PRRC2C: variants seen among roughly 807,000 people sequenced by gnomAD.
The protein encoded by PRRC2C is proline rich coiled-coil 2C.
PRRC2C carries 72 observed loss-of-function variants against 317.2 expected under a neutral mutation model. That is an observed-to-expected ratio of 0.23 (90% CI 0.19 to 0.28). The LOEUF is 0.28. Among genes scored for constraint, PRRC2C ranks in the 10% least tolerant of loss-of-function variants. The pLI is 1.00. For synonymous variants in PRRC2C, 1,296 were observed against 1,205.9 expected, an observed-to-expected ratio of 1.07 and a Z score of -1.55; for missense variants, 3,074 against 3,459.7, an observed-to-expected ratio of 0.89 and a Z score of 2.80.
intron 18 of PRRC2C, among the ~76,000 whole-genome samples, chr1:171,553,977 T>C (rs1680834205): frequency 6.6e-6 from 1 of 152,216 alleles, no homozygotes. Flanking sequence ...TAGATGTCTA[T>C]TAGGTCTGCT....
intron 4 of PRRC2C, 73 bp from the exon 5 acceptor site, chr1:171,515,661 T>C (rs1447933306): frequency 2.4e-6 from 3 of 1,240,414 alleles, no homozygotes; most frequent in East Asian, 5.1e-5. Context: ...CAGAGAGCTC[T>C]ATCCTGGGAG....
At chr1:171,570,551 C>T (rs1039876421) in intron 23 of PRRC2C, among the ~76,000 whole-genome samples, 1 of 152,068 alleles carries the variant, frequency 6.6e-6, no homozygotes, top group Non-Finnish European at 1.5e-5. Context: ...CTCAAGCATC[C>T]CAGTTATTTT....
intron 19 of PRRC2C, among the ~76,000 whole-genome samples, chr1:171,559,012 C>G (rs1682027421): frequency 6.6e-6 from 1 of 152,194 alleles, no homozygotes; most frequent in Admixed American, 6.5e-5. Flanking sequence ...TAACCCAAAG[C>G]CTAATCCAAA....
At chr1:171,559,862 CAG>C (rs1491392904) in intron 19 of PRRC2C, among the ~76,000 whole-genome samples, 4 of 152,108 alleles carry the variant, frequency 2.6e-5, no homozygotes, top group Admixed American at 2.0e-4. Flanking sequence ...ACCTACTGCT[CAG>C]GGGGAAAAAT....
chr1:171,554,950 T>G (rs1681064692), intron 18 of PRRC2C, among the ~76,000 whole-genome samples: 1 of 152,216 alleles, frequency 6.6e-6, no homozygotes, highest in African/African-American at 2.4e-5. Context: ...TTGGGGTTAC[T>G]CTTCTCGAGG....
rs531713261 is a variant in PRRC2C, at chr1:171,528,499, G to A, written c.1254+655G>A. Among the ~76,000 whole-genome samples the A allele has an allele frequency of 2.6e-5, 4 of 151,220 alleles. No individual in the cohort carries two copies. The South Asian group carries it at 6.2e-4, about 24-fold the overall frequency. On this transcript the variant is annotated intron_variant, in intron 11 of 34. Coordinates refer to ENST00000647382, the MANE Select transcript of PRRC2C (RefSeq NM_001387844.1). The stretch of plus-strand genomic sequence containing the variant: ...GTAGAGACGGGGTTTCACCGTGTTA[G>A]CCAGGACGGTCTCGATATCCTGACC...
chr1:171,558,584 T>A (rs1681916015), intron 19 of PRRC2C, among the ~76,000 whole-genome samples: 1 of 152,232 alleles, frequency 6.6e-6, no homozygotes, highest in African/African-American at 2.4e-5. Context: ...GGTGGTCAGT[T>A]ATCTTTGATA....
At chr1:171,501,119 A>G (rs1005591642) in intron 1 of PRRC2C, among the ~76,000 whole-genome samples, 1 of 150,384 alleles carries the variant, frequency 6.6e-6, no homozygotes, top group Non-Finnish European at 1.5e-5. Context: ...CTGGTCTTGA[A>G]CTCCTGGGCT....
At chr1:171,568,988 A>T (rs1425795675) in intron 23 of PRRC2C, among the ~76,000 whole-genome samples, 1 of 152,222 alleles carries the variant, frequency 6.6e-6, no homozygotes, top group Non-Finnish European at 1.5e-5. Flanking sequence ...AAGTCTGTAC[A>T]GTTCATCATT....
chr1:171,564,143 G>C (rs181216144), intron 20 of PRRC2C, among the ~76,000 whole-genome samples: 1 of 152,128 alleles, frequency 6.6e-6, no homozygotes, highest in South Asian at 2.1e-4. Context: ...TCATAGGATG[G>C]AAAGAATTCC....
chr1:171,506,644 G>T (rs1670286794), intron 1 of PRRC2C, among the ~76,000 whole-genome samples: 2 of 137,738 alleles, frequency 1.5e-5, no homozygotes, highest in Non-Finnish European at 1.6e-5. Context: ...CTTTCCCATT[G>T]GATAGCTTCT....
At position 171,591,880 on chromosome 1, in the gene PRRC2C, GGGCGGGA is replaced by G; in HGVS notation, c.*34_*40del. Reference sequence around the variant, plus strand: ...GGTTTATTGCAGGGGATTGGGAGGGGGGCGGGAAAACATGGAGAATTAAGTCAGATAA... The same window carrying G: ...GGTTTATTGCAGGGGATTGGGAGGGGAAACATGGAGAATTAAGTCAGATAA... On this transcript the variant is annotated 3_prime_UTR_variant, in exon 35 of 35. Coordinates refer to ENST00000647382, the MANE Select transcript of PRRC2C (RefSeq NM_001387844.1). 2 of 576,740 alleles carry G rather than the reference GGGCGGGA, an allele frequency of 3.5e-6. No individual in the cohort carries two copies. The highest frequency in any genetic ancestry group is 6.0e-6 in the Non-Finnish European group (2 of 333,564). 35.7% of individuals were successfully genotyped at this position (576,740 alleles called of 1,614,324 possible).
At chr1:171,506,379 T>C (rs949333545) in intron 1 of PRRC2C, among the ~76,000 whole-genome samples, 2 of 152,230 alleles carry the variant, frequency 1.3e-5, no homozygotes, top group African/African-American at 4.8e-5. Flanking sequence ...ATTTTCTCTT[T>C]ATCATTGGTT....
chr1:171,586,914 A>G, intron 30 of PRRC2C, 89 bp from the exon 31 acceptor site: 1 of 1,022,914 alleles, frequency 9.8e-7, no homozygotes, highest in Non-Finnish European at 1.4e-6. Context: ...TCTTACTCAA[A>G]AGTATTTGAA....
chr1:171,547,667 A>T (rs1679405266), intron 17 of PRRC2C, among the ~76,000 whole-genome samples: 1 of 126,304 alleles, frequency 7.9e-6, no homozygotes. Context: ...TTTTTGAGAC[A>T]CAGTCTTGCT....
chr1:171,589,506 T>C lies in PRRC2C; in HGVS notation c.8337T>C (p.His2779=), dbSNP rs993733323. Residue 2779 remains histidine (H), a synonymous_variant, in exon 34 of 35, where the codon CAT becomes CAC. Transcript: ENST00000647382. ...PPPLTTGLMS[H]ARLPHVARGP... is the part of the protein sequence containing the mutation. ...CGCTGACCACAGGCCTCATGAGCCATGCTCGTTTGCCACATGTAGCCAGGG... is the reference window on the plus strand; with the variant it reads ...CGCTGACCACAGGCCTCATGAGCCACGCTCGTTTGCCACATGTAGCCAGGG... 3.1e-6 allele frequency: 4 copies of C among 1,289,692 alleles called. No individual in the cohort carries two copies. The highest frequency in any genetic ancestry group is 4.0e-6 in the Non-Finnish European group (4 of 988,870). 79.9% of individuals were successfully genotyped at this position (1,289,692 alleles called of 1,614,324 possible). A position where few individuals can be genotyped will look rare whatever the true frequency, so the allele number is the denominator to read the frequency against.
Position 171,507,196 on chromosome 1 carries a change from C to T in PRRC2C, c.-57-4836C>T, listed in dbSNP as rs535304861. Among the ~76,000 whole-genome samples the T allele has an allele frequency of 3.9e-5, 6 of 152,236 alleles. No individual in the cohort carries two copies. In the South Asian group the frequency reaches 1.2e-3, roughly 32 times the overall value. ...GATCACTTGAGACCAGCTTGGGCAA[C>T]ATAGTGAGACTCCATCTCATTTATT... On this transcript the variant is annotated intron_variant, in intron 1 of 34. Transcript: ENST00000647382.
chr1:171,574,558 G>A (rs1359654284), intron 24 of PRRC2C, among the ~76,000 whole-genome samples: 1 of 152,194 alleles, frequency 6.6e-6, no homozygotes, highest in Non-Finnish European at 1.5e-5. Flanking sequence ...AACACTGTGA[G>A]CATGAAGCAG....
chr1:171,586,950 G>A lies in PRRC2C; in HGVS notation c.7750-53G>A, dbSNP rs984731129. ...GAGTTGTGTATAGTTGTATGGATATGTCTGTAGTAAACAGAAACAAATTGC... is the reference window on the plus strand; with the variant it reads ...GAGTTGTGTATAGTTGTATGGATATATCTGTAGTAAACAGAAACAAATTGC... On this transcript the variant is annotated intron_variant, in intron 30 of 34. Coordinates refer to ENST00000647382, the MANE Select transcript of PRRC2C (RefSeq NM_001387844.1). The A allele has an allele frequency of 8.5e-6, 11 of 1,290,968 alleles. 1 individual carries two copies. The Admixed American group carries it at 2.2e-4, about 26-fold the overall frequency. 80.0% of individuals were successfully genotyped at this position (1,290,968 alleles called of 1,614,324 possible).
Sources: allele counts gnomAD v4.1 joint callset (sites outside exome capture counted in the v4.1 genomes callset), GRCh38; gene constraint gnomAD v4.1.1; transcripts MANE v1.5; gene names NCBI Gene and HGNC (gene_info 2026-07-23, HGNC 2026-07-21).